TMC1: variants seen among roughly 807,000 people sequenced by gnomAD.
TMC1 encodes the protein transmembrane channel like 1.
In TMC1, 84 loss-of-function variants were observed where a neutral mutation model predicts 105.8. The observed-to-expected ratio is 0.79, with a 90% CI of 0.67 to 0.95. TMC1 has a LOEUF of 0.95. Ranked by LOEUF, TMC1 falls within the 40% of genes least tolerant of loss-of-function variation. The probability of loss-of-function intolerance (pLI) is 0.00; values close to 1 mark genes in which losing one functional copy is unlikely to be tolerated. For synonymous variants in TMC1, 315 were observed against 311.5 expected (o/e 1.01, Z -0.12); for missense variants, 817 against 914.1 (o/e 0.89, Z 1.37).
chr9:72,617,751 A>G (rs1825158833), intron 3 of TMC1, among the ~76,000 whole-genome samples: 1 of 152,186 alleles, frequency 6.6e-6, no homozygotes, highest in Non-Finnish European at 1.5e-5. Flanking sequence ...GACTGTGTGA[A>G]CCCAAGATGT....
chr9:72,805,448 C>A lies in TMC1; in HGVS notation c.1633C>A (p.Leu545Ile). ...TYVTILIGDF[L>I]RACFVRFCNY... ...CGTCACAATCCTCATTGGGGACTTT[C>A]TAAGGGCATGTTTTGTGAGGTTTTG... Residue 545 changes from leucine (L) to isoleucine (I), a missense_variant, in exon 18 of 24, where the codon CTA becomes ATA. Coordinates refer to ENST00000297784, the MANE Select transcript of TMC1 (RefSeq NM_138691.3). The A allele has an allele frequency of 6.2e-7, 1 of 1,613,516 alleles. No homozygotes were observed.
intron 2 of TMC1, among the ~76,000 whole-genome samples, chr9:72,605,052 G>A (rs544829653): frequency 2.0e-5 from 3 of 152,044 alleles, no homozygotes; most frequent in Non-Finnish European, 2.9e-5. Flanking sequence ...GAAATAATGC[G>A]AATGAAAAAA....
chr9:72,541,979 A>C (rs1823686220), intron 1 of TMC1, among the ~76,000 whole-genome samples: 2 of 152,018 alleles, frequency 1.3e-5, no homozygotes, highest in East Asian at 3.9e-4. Flanking sequence ...AACACAAAAA[A>C]CCAAAAATAA....
intron 1 of TMC1, among the ~76,000 whole-genome samples, chr9:72,524,988 T>C (rs1823381513): frequency 6.6e-6 from 1 of 152,106 alleles, no homozygotes; most frequent in African/African-American, 2.4e-5. Context: ...CAAGCCTGGA[T>C]TGTGGAGGTT....
At chr9:72,784,725 G>A (rs948607785) in intron 13 of TMC1, among the ~76,000 whole-genome samples, 6 of 152,218 alleles carry the variant, frequency 3.9e-5, no homozygotes, top group African/African-American at 1.4e-4. Context: ...TGAAGAAAAT[G>A]TAGTATATAT....
intron 5 of TMC1, among the ~76,000 whole-genome samples, chr9:72,667,160 G>T (rs1343868778): frequency 6.6e-6 from 1 of 152,108 alleles, no homozygotes; most frequent in Admixed American, 6.5e-5. Flanking sequence ...AATAAAGCAG[G>T]GTAGGGGAAC....
At chr9:72,750,517 C>T (rs1398363413) in intron 10 of TMC1, among the ~76,000 whole-genome samples, 1 of 150,550 alleles carries the variant, frequency 6.6e-6, no homozygotes, top group Non-Finnish European at 1.5e-5. Flanking sequence ...CATTTTTCTT[C>T]TTCCACTCTC....
chr9:72,635,138 A>G (rs1309212799), intron 4 of TMC1, among the ~76,000 whole-genome samples: 1 of 152,048 alleles, frequency 6.6e-6, no homozygotes, highest in Non-Finnish European at 1.5e-5. Context: ...CTGTAATCCT[A>G]GCTACTTGGG....
chr9:72,624,632 A>G (rs1825314606), intron 3 of TMC1, among the ~76,000 whole-genome samples: 1 of 152,210 alleles, frequency 6.6e-6, no homozygotes, highest in Non-Finnish European at 1.5e-5. Flanking sequence ...ACAGCAGACT[A>G]TCTCTGGCTA....
At chr9:72,630,632 GA>G (rs1825433714) in intron 4 of TMC1, among the ~76,000 whole-genome samples, 1 of 151,848 alleles carries the variant, frequency 6.6e-6, no homozygotes, top group Non-Finnish European at 1.5e-5. Context: ...AATTCTAGCT[GA>G]AAAAAAGATA....
intron 4 of TMC1, among the ~76,000 whole-genome samples, chr9:72,628,557 C>T (rs184809541): frequency 2.0e-4 from 31 of 152,340 alleles, no homozygotes; most frequent in African/African-American, 6.7e-4. Flanking sequence ...CGATTTTCAA[C>T]AGGGCAGATT....
Position 72,694,532 on chromosome 9 carries a change from G to T in TMC1, c.65-11G>T, listed in dbSNP as rs182636408. On this transcript the variant is annotated splice_polypyrimidine_tract_variant and intron_variant, in intron 6 of 23. Coordinates refer to ENST00000297784, the MANE Select transcript of TMC1 (RefSeq NM_138691.3). ...TCTGACATTACTCATTGAATCAAGT[G>T]CTATGTTTAGGTGAAGAGGAAGAGG... The T allele has an allele frequency of 4.0e-5, 65 of 1,611,196 alleles. 1 individual carries two copies.
Position 72,836,056 on chromosome 9 carries a change from C to A in TMC1, c.*83C>A. The A allele has an allele frequency of 6.8e-7, 1 of 1,461,580 alleles. No individual in the cohort carries two copies. Among genetic ancestry groups the A allele is most frequent in the Non-Finnish European group, 9.5e-7 (1 of 1,048,130 alleles). The allele number at this position is 1,461,580 out of a possible 1,614,324, so 90.5% of individuals were successfully genotyped here. A position where few individuals can be genotyped will look rare whatever the true frequency, so the allele number is the denominator to read the frequency against. ...AATATGTGAACGCCCAGAGAACAAGCACTGTGGAACTGCTATTTTCCTGTT... is the reference window on the plus strand; with the variant it reads ...AATATGTGAACGCCCAGAGAACAAGAACTGTGGAACTGCTATTTTCCTGTT... On this transcript the variant is annotated 3_prime_UTR_variant, in exon 24 of 24. Transcript: ENST00000297784.
intron 5 of TMC1, among the ~76,000 whole-genome samples, chr9:72,665,259 G>A (rs535453556): frequency 6.6e-6 from 1 of 152,294 alleles, no homozygotes; most frequent in South Asian, 2.1e-4. Context: ...ATAATGAGTG[G>A]TGTGAACCTT....
intron 5 of TMC1, among the ~76,000 whole-genome samples, chr9:72,652,491 A>G (rs1362924612): frequency 1.3e-5 from 2 of 152,294 alleles, no homozygotes; most frequent in African/African-American, 4.8e-5. Context: ...TGGAAGAAAC[A>G]GAAAGGATGG....
Position 72,670,788 on chromosome 9 carries a change from G to A in TMC1, c.17-17921G>A, listed in dbSNP as rs1588023359. On this transcript the variant is annotated intron_variant, in intron 5 of 23. Transcript: ENST00000297784. ...GCGAGATGGGATTCGCAGCAGATTA[G>A]ATATAGAAGAAGGATTAATGAACAT... 2.6e-5 allele frequency among the ~76,000 whole-genome samples: 4 copies of A among 152,160 alleles called. 1 individual carries two copies. In the East Asian group the frequency reaches 7.7e-4, roughly 29 times the overall value.
At chr9:72,586,626 G>T (rs140819801) in intron 2 of TMC1, among the ~76,000 whole-genome samples, 1 of 152,180 alleles carries the variant, frequency 6.6e-6, no homozygotes, top group Non-Finnish European at 1.5e-5. Flanking sequence ...GGGTACCGTT[G>T]TGCAGTCTGT....
chr9:72,723,140 G>T (rs186256750), intron 8 of TMC1, among the ~76,000 whole-genome samples: 172 of 152,218 alleles, frequency 1.1e-3, no homozygotes, highest in African/African-American at 3.9e-3. Context: ...GGCCAAAAGT[G>T]CATCAATGAC....
chr9:72,729,006 G>A (rs1827164765), intron 8 of TMC1, among the ~76,000 whole-genome samples: 1 of 151,946 alleles, frequency 6.6e-6, no homozygotes, highest in African/African-American at 2.4e-5. Flanking sequence ...GTCTTTATTT[G>A]ACATTTAAGC....
Sources: gnomAD v4.1 joint callset for allele counts (sites outside exome capture counted in the v4.1 genomes callset) on GRCh38, gnomAD v4.1.1 for gene constraint, MANE v1.5 for transcripts, NCBI Gene and HGNC (gene_info 2026-07-23, HGNC 2026-07-21) for gene names.